Variants in ADGRL3 observed in about 807,000 individuals in gnomAD.
ADGRL3 encodes the protein calcium-independent alpha-latrotoxin receptor 3.
In ADGRL3, 62 loss-of-function variants were observed where a neutral mutation model predicts 153.5. The ratio of observed to expected loss-of-function variants is 0.40; its 90% CI spans 0.33 to 0.50. ADGRL3 has a LOEUF of 0.50. Ranked by LOEUF, ADGRL3 falls within the 20% of genes least tolerant of loss-of-function variation. The pLI is 0.47. For missense variants in ADGRL3, 1,641 were observed against 1,859.4 expected (o/e 0.88, Z 2.16); for synonymous variants, 710 against 672.5 (o/e 1.06, Z -0.86).
chr4:61,911,136 T>C (rs1198827932), intron 12 of ADGRL3, among the ~76,000 whole-genome samples: 1 of 152,150 alleles, frequency 6.6e-6, no homozygotes, highest in Non-Finnish European at 1.5e-5. Flanking sequence ...TAATGAATAT[T>C]GCTGCCAGCT....
chr4:61,823,866 C>G (rs1486534245), intron 9 of ADGRL3, among the ~76,000 whole-genome samples: 2 of 152,040 alleles, frequency 1.3e-5, no homozygotes, highest in Admixed American at 6.5e-5. Context: ...TCAAGACCAT[C>G]CTGGCTAACA....
rs533362518 is a variant in ADGRL3, at chr4:61,307,541, T to G, written c.-239-75583T>G. On this transcript the variant is annotated intron_variant, in intron 1 of 26. Coordinates refer to ENST00000683033, the MANE Select transcript of ADGRL3 (RefSeq NM_001387552.1). The stretch of plus-strand genomic sequence containing the variant: ...TATTTTACTGTTGTAAAGTACTGAT[T>G]TTTATTTTGAAATAAAAATATTTTT... Among the ~76,000 whole-genome samples, 31 of 152,282 alleles carry G rather than the reference T, an allele frequency of 2.0e-4. No individual in the cohort carries two copies. The East Asian group carries it at 5.8e-3, about 28-fold the overall frequency.
chr4:61,556,972 A>C (rs941232579), intron 4 of ADGRL3, among the ~76,000 whole-genome samples: 3 of 152,180 alleles, frequency 2.0e-5, no homozygotes. Flanking sequence ...CAGCACAAGA[A>C]TGTCTGGGCC....
At chr4:61,956,748 T>C (rs2098968536) in intron 17 of ADGRL3, among the ~76,000 whole-genome samples, 1 of 152,218 alleles carries the variant, frequency 6.6e-6, no homozygotes, top group South Asian at 2.1e-4. Context: ...CTCAGTTTTC[T>C]GCATATGGCT....
Position 61,978,877 on chromosome 4 carries a change from A to G in ADGRL3, c.2806-686A>G, listed in dbSNP as rs184967440. Among the ~76,000 whole-genome samples, 7 of 100,570 alleles carry G rather than the reference A, an allele frequency of 7.0e-5. No individual in the cohort carries two copies. In the East Asian group the frequency reaches 4.3e-3, roughly 62 times the overall value. The allele number at this position is 100,570 out of a possible 152,430, so 66.0% of individuals were successfully genotyped here. On this transcript the variant is annotated intron_variant, in intron 17 of 26. Coordinates refer to ENST00000683033, the MANE Select transcript of ADGRL3 (RefSeq NM_001387552.1). ...TGTCAATGTATAACAGGCTCTATTC[A>G]TGCAAAACCTTTCAAAGATCAAACT...
At chr4:61,908,012 C>A (rs2098704190) in intron 11 of ADGRL3, among the ~76,000 whole-genome samples, 1 of 152,094 alleles carries the variant, frequency 6.6e-6, no homozygotes, top group Non-Finnish European at 1.5e-5. Flanking sequence ...AGATACATAT[C>A]AAATGATTAA....
chr4:61,935,935 C>T lies in ADGRL3; in HGVS notation c.2309C>T (p.Ala770Val). Residue 770 changes from alanine (A) to valine (V), a missense_variant, in exon 15 of 27, where the codon GCA becomes GTA. This residue lies in a region of ADGRL3 where 734 missense variants were observed against 797.0 expected (regional missense o/e 0.92). Coordinates refer to ENST00000683033, the MANE Select transcript of ADGRL3 (RefSeq NM_001387552.1). ...ENTDNIKLEV[A>V]RLSTEGNLED... Reference sequence around the variant, plus strand: ...TTGATATTAACAGAATTGGAAGTTGCAAGACTGAGCACAGAAGGAAACTTA... The same window carrying T: ...TTGATATTAACAGAATTGGAAGTTGTAAGACTGAGCACAGAAGGAAACTTA... 6.3e-7 allele frequency: 1 copy of T among 1,592,958 alleles called. No individual in the cohort carries two copies. The highest frequency in any genetic ancestry group is 2.3e-5 in the East Asian group (1 of 44,372).
chr4:61,240,430 T>G (rs1011110417), intron 1 of ADGRL3, among the ~76,000 whole-genome samples: 4 of 152,104 alleles, frequency 2.6e-5, no homozygotes, highest in Non-Finnish European at 5.9e-5. Context: ...TCTTGCAAGA[T>G]TTCATTGTCT....
intron 1 of ADGRL3, among the ~76,000 whole-genome samples, chr4:61,348,258 A>G (rs566638371): frequency 7.2e-5 from 11 of 152,132 alleles, no homozygotes; most frequent in African/African-American, 2.4e-4. Flanking sequence ...TAGTTGATGC[A>G]TTATTTTGAT....
chr4:61,979,780 A>G lies in ADGRL3; in HGVS notation c.3015+8A>G, dbSNP rs759395540. On this transcript the variant is annotated splice_region_variant and intron_variant, in intron 18 of 26. Coordinates refer to ENST00000683033, the MANE Select transcript of ADGRL3 (RefSeq NM_001387552.1). ...AACCGAACTGACCAACCAGTAAGCA[A>G]CCTACATTGATACCAGTGAAGAATT... The G allele has an allele frequency of 1.6e-5, 26 of 1,608,902 alleles. 1 individual carries two copies. The highest frequency in any genetic ancestry group is 4.0e-5 in the African/African-American group (3 of 74,812).
At chr4:61,548,343 G>T (rs920769698) in intron 4 of ADGRL3, among the ~76,000 whole-genome samples, 1 of 149,546 alleles carries the variant, frequency 6.7e-6, no homozygotes, top group African/African-American at 2.4e-5. Flanking sequence ...TCTTCATCAT[G>T]AAATCTTTGC....
chr4:61,315,933 C>T (rs2095194961), intron 1 of ADGRL3, among the ~76,000 whole-genome samples: 1 of 152,118 alleles, frequency 6.6e-6, no homozygotes, highest in Non-Finnish European at 1.5e-5. Flanking sequence ...CTCTTTCATA[C>T]ATTGGATATT....
chr4:61,805,548 T>A (rs2097544533), intron 8 of ADGRL3, among the ~76,000 whole-genome samples: 1 of 152,148 alleles, frequency 6.6e-6, no homozygotes, highest in African/African-American at 2.4e-5. Context: ...AATTCTAATA[T>A]TATTTTTCCA....
At chr4:61,512,227 C>T (rs2098467152) in intron 3 of ADGRL3, among the ~76,000 whole-genome samples, 1 of 152,154 alleles carries the variant, frequency 6.6e-6, no homozygotes, top group Non-Finnish European at 1.5e-5. Flanking sequence ...TTACACAATA[C>T]TTTCCTGTTA....
At chr4:61,718,767 T>C (rs1260622966) in intron 6 of ADGRL3, among the ~76,000 whole-genome samples, 1 of 152,166 alleles carries the variant, frequency 6.6e-6, no homozygotes, top group African/African-American at 2.4e-5. Flanking sequence ...TTTATGACCC[T>C]TCTACAGATG....
intron 1 of ADGRL3, among the ~76,000 whole-genome samples, chr4:61,367,194 A>G (rs2096413880): frequency 1.3e-5 from 2 of 152,134 alleles, no homozygotes; most frequent in South Asian, 4.1e-4. Flanking sequence ...GGGATGTACA[A>G]AAATGATTTC....
chr4:61,831,801 G>T (rs1361366119), intron 9 of ADGRL3, among the ~76,000 whole-genome samples: 5 of 152,010 alleles, frequency 3.3e-5, no homozygotes, highest in Non-Finnish European at 7.4e-5. Flanking sequence ...GACTGTTTAG[G>T]GGGTGCAAGC....
chr4:61,536,627 C>A lies in ADGRL3; in HGVS notation c.259+19109C>A, dbSNP rs556105996. 2.9e-4 allele frequency among the ~76,000 whole-genome samples: 44 copies of A among 152,104 alleles called. No individual in the cohort carries two copies. In the South Asian group the frequency reaches 8.1e-3, roughly 28 times the overall value. On this transcript the variant is annotated intron_variant, in intron 4 of 26. Transcript: ENST00000683033. ...CTTCTTGTTGCATTGAACCCTTTAT[C>A]ATTATATAATGCCTTTCTTTGTCTT... is the stretch of plus-strand genomic sequence containing the variant.
intron 3 of ADGRL3, among the ~76,000 whole-genome samples, chr4:61,509,835 A>G (rs2098453674): frequency 6.6e-6 from 1 of 152,264 alleles, no homozygotes; most frequent in South Asian, 2.1e-4. Flanking sequence ...TCTTTGAGAA[A>G]TCTCCAACCT....
Sources: allele counts gnomAD v4.1 joint callset (sites outside exome capture counted in the v4.1 genomes callset), GRCh38; gene constraint gnomAD v4.1.1; regional missense constraint gnomAD v4.1.1; transcripts MANE v1.5; gene names NCBI Gene and HGNC (gene_info 2026-07-23, HGNC 2026-07-21).